Variants in DDX10 observed in about 807,000 individuals in gnomAD.
The protein encoded by DDX10 is DEAD-box helicase 10, also known as probable ATP-dependent RNA helicase DDX10.
A neutral mutation model predicts 104.3 loss-of-function variants in DDX10; 74 were observed. The ratio of observed to expected loss-of-function variants is 0.71; its 90% CI spans 0.59 to 0.86. The LOEUF is 0.86. DDX10 is among the 40% of genes least tolerant of loss of function. The pLI, the probability that DDX10 is intolerant of heterozygous loss-of-function variation, is 0.00. For missense variants in DDX10, 952 were observed against 1,040.0 expected (o/e 0.92, Z 1.16); for synonymous variants, 351 against 353.4 (o/e 0.99, Z 0.08).
Position 108,675,827 on chromosome 11 carries a change from C to A in DDX10, c.378+101C>A, listed in dbSNP as rs530752923. The A allele has an allele frequency of 1.2e-5, 17 of 1,426,650 alleles. No individual in the cohort carries two copies. In the East Asian group the frequency reaches 3.4e-4, roughly 29 times the overall value. The allele number at this position is 1,426,650 out of a possible 1,614,324, so 88.4% of individuals were successfully genotyped here. A position where few individuals can be genotyped will look rare whatever the true frequency, so the allele number is the denominator to read the frequency against. Reference sequence around the variant, plus strand: ...AAAGAGATGTTTTCATGTTAGATTTCATGATAGATTGGCTAGAATGCGAGC... The same window carrying A: ...AAAGAGATGTTTTCATGTTAGATTTAATGATAGATTGGCTAGAATGCGAGC... On this transcript the variant is annotated intron_variant, in intron 3 of 17. Coordinates refer to ENST00000322536, the MANE Select transcript of DDX10 (RefSeq NM_004398.4).
At chr11:108,811,438 A>G (rs538570996) in intron 13 of DDX10, among the ~76,000 whole-genome samples, 312 of 152,290 alleles carry the variant, frequency 2.0e-3, no homozygotes, top group African/African-American at 6.8e-3. Flanking sequence ...AGCCTTCATG[A>G]TACCTCCTCT....
intron 13 of DDX10, among the ~76,000 whole-genome samples, chr11:108,810,389 C>G (rs891868438): frequency 6.6e-6 from 1 of 151,918 alleles, no homozygotes. Context: ...TATTATGTTT[C>G]ATGAGAGCAG....
At chr11:108,903,327 A>G (rs1167222230) in intron 16 of DDX10, among the ~76,000 whole-genome samples, 1 of 152,090 alleles carries the variant, frequency 6.6e-6, no homozygotes, top group African/African-American at 2.4e-5. Context: ...GTCCTTTGCG[A>G]TGGGCTTCTT....
chr11:108,799,718 A>G (rs1423189491), intron 13 of DDX10, among the ~76,000 whole-genome samples: 1 of 152,030 alleles, frequency 6.6e-6, no homozygotes, highest in Non-Finnish European at 1.5e-5. Context: ...TGTTTGTTTT[A>G]TTGTTATTAC....
intron 16 of DDX10, among the ~76,000 whole-genome samples, chr11:108,905,204 G>A (rs1423715258): frequency 6.6e-6 from 1 of 150,874 alleles, no homozygotes; most frequent in African/African-American, 2.4e-5. Context: ...AAGCTCTCCT[G>A]AACCTGTTAT....
At chr11:108,700,721 C>G (rs1283563593) in intron 9 of DDX10, among the ~76,000 whole-genome samples, 1 of 152,190 alleles carries the variant, frequency 6.6e-6, no homozygotes, top group Non-Finnish European at 1.5e-5. Context: ...TTGGACAAGT[C>G]TTTAACTTCT....
At chr11:108,818,820 T>C (rs1383238483) in intron 13 of DDX10, among the ~76,000 whole-genome samples, 5 of 152,218 alleles carry the variant, frequency 3.3e-5, no homozygotes, top group South Asian at 4.1e-4. Context: ...GGGGGACTTA[T>C]CACTTTTAGT....
chr11:108,911,392 T>G (rs1863675436), intron 16 of DDX10, among the ~76,000 whole-genome samples: 1 of 152,072 alleles, frequency 6.6e-6, no homozygotes, highest in Non-Finnish European at 1.5e-5. Context: ...CAGGGTCTGG[T>G]AAGGACTTGT....
chr11:108,779,049 G>T (rs2094374220), intron 13 of DDX10, among the ~76,000 whole-genome samples: 1 of 152,210 alleles, frequency 6.6e-6, no homozygotes, highest in Admixed American at 6.5e-5. Flanking sequence ...AGGTGCTGGA[G>T]AGAATGTGGA....
At chr11:108,724,030 TA>T in intron 13 of DDX10, among the ~76,000 whole-genome samples, 2 of 152,146 alleles carry the variant, frequency 1.3e-5, no homozygotes, top group Non-Finnish European at 2.9e-5. Context: ...ATAATCCATT[TA>T]GATAAAGCAC....
chr11:108,903,779 A>G (rs988026257), intron 16 of DDX10, among the ~76,000 whole-genome samples: 1 of 152,166 alleles, frequency 6.6e-6, no homozygotes, highest in African/African-American at 2.4e-5. Flanking sequence ...AGACAATTTT[A>G]TTCCATCGTA....
In DDX10 at chr11:108,734,280, A is replaced by G. The variant is rs920722006; in HGVS notation, c.1965+10818A>G. Among the ~76,000 whole-genome samples the G allele has an allele frequency of 3.9e-5, 6 of 152,292 alleles. No homozygotes were observed. In the South Asian group the frequency reaches 1.2e-3, roughly 32 times the overall value. ...ATTTTTGCTACCATGAAGTGAAACAATGGTAGCATGATCTCAGATGTTGCC... is the reference window on the plus strand; with the variant it reads ...ATTTTTGCTACCATGAAGTGAAACAGTGGTAGCATGATCTCAGATGTTGCC... On this transcript the variant is annotated intron_variant, in intron 13 of 17. Coordinates refer to ENST00000322536, the MANE Select transcript of DDX10 (RefSeq NM_004398.4).
chr11:108,838,366 A>G, intron 13 of DDX10, 80 bp from the exon 14 acceptor site: 1 of 1,440,984 alleles, frequency 6.9e-7, no homozygotes, highest in East Asian at 2.3e-5. Context: ...AGTTTTGAGA[A>G]GTATATTGCC....
At chr11:108,784,073 C>T (rs1861751554) in intron 13 of DDX10, among the ~76,000 whole-genome samples, 1 of 152,134 alleles carries the variant, frequency 6.6e-6, no homozygotes, top group Admixed American at 6.5e-5. Context: ...CCTAGGTTGA[C>T]TCCATATTTT....
At chr11:108,713,053 T>C (rs2094286622) in intron 10 of DDX10, among the ~76,000 whole-genome samples, 1 of 152,178 alleles carries the variant, frequency 6.6e-6, no homozygotes, top group African/African-American at 2.4e-5. Context: ...TGTTCCTCTA[T>C]AGATGAGGTG....
At chr11:108,793,316 G>C (rs1417750443) in intron 13 of DDX10, among the ~76,000 whole-genome samples, 1 of 152,124 alleles carries the variant, frequency 6.6e-6, no homozygotes, top group African/African-American at 2.4e-5. Context: ...CAGCCCTCTG[G>C]TAGATTTCAA....
intron 13 of DDX10, among the ~76,000 whole-genome samples, chr11:108,832,319 A>C (rs1862483963): frequency 1.3e-5 from 2 of 152,220 alleles, no homozygotes; most frequent in Admixed American, 1.3e-4. Flanking sequence ...GAAAACATTT[A>C]CTAAAATTGA....
intron 16 of DDX10, among the ~76,000 whole-genome samples, chr11:108,908,167 A>G (rs981142789): frequency 5.3e-5 from 8 of 152,226 alleles, no homozygotes; most frequent in Admixed American, 1.3e-4. Flanking sequence ...GGAAATCTCA[A>G]AATCAGTCTA....
intron 13 of DDX10, among the ~76,000 whole-genome samples, chr11:108,749,160 A>C (rs532082744): frequency 6.6e-6 from 1 of 151,798 alleles, no homozygotes; most frequent in South Asian, 2.1e-4. Flanking sequence ...TCGGCCTCCC[A>C]AGCTGCTGGG....
Sources: gnomAD v4.1 joint callset for allele counts (sites outside exome capture counted in the v4.1 genomes callset) on GRCh38, gnomAD v4.1.1 for gene constraint, MANE v1.5 for transcripts, NCBI Gene and HGNC (gene_info 2026-07-23, HGNC 2026-07-21) for gene names.